The following C10orf143 variants were observed in gnomAD, a reference collection of about 807,000 sequenced individuals.
The protein encoded by C10orf143 is chromosome 10 open reading frame 143, also known as uncharacterized protein C10orf143.
At chr10:130,105,978 G>A (rs61749975) in intron 1 of C10orf143, 178 of 405,730 alleles carry the variant, frequency 4.4e-4, no homozygotes, top group African/African-American at 3.5e-3. Flanking sequence ...CGGACGCAAG[G>A]CTGCGAGTTC....
chr10:130,038,149 C>T (rs1463342550), intron 3 of C10orf143, among the ~76,000 whole-genome samples: 1 of 152,102 alleles, frequency 6.6e-6, no homozygotes, highest in Non-Finnish European at 1.5e-5. Flanking sequence ...GAGTAACATG[C>T]GGCGGCCTCT....
chr10:130,038,651 C>T (rs976213718), intron 3 of C10orf143, among the ~76,000 whole-genome samples: 4 of 152,164 alleles, frequency 2.6e-5, no homozygotes, highest in Non-Finnish European at 4.4e-5. Context: ...CATCAAACAC[C>T]GCCCAGGCCC....
chr10:130,060,620 G>A (rs568653939), downstream of C10orf143, among the ~76,000 whole-genome samples: 49 of 149,076 alleles, frequency 3.3e-4, no homozygotes, highest in Middle Eastern at 0.018. Context: ...TCAGGAGATC[G>A]AGACCATCCT....
intron 1 of C10orf143, among the ~76,000 whole-genome samples, chr10:130,097,040 A>G (rs1418679634): frequency 1.3e-5 from 2 of 151,226 alleles, no homozygotes; most frequent in African/African-American, 4.9e-5. Flanking sequence ...AGCTCACTGT[A>G]ACCTCTACCT....
At chr10:130,082,231 C>T (rs909303307) in intron 1 of C10orf143, among the ~76,000 whole-genome samples, 6 of 151,836 alleles carry the variant, frequency 4.0e-5, no homozygotes, top group Admixed American at 6.6e-5. Context: ...AGGCTGGTCT[C>T]ACACTCCTGG....
At chr10:130,086,368 T>A (rs1315572875) in intron 1 of C10orf143, among the ~76,000 whole-genome samples, 2 of 152,266 alleles carry the variant, frequency 1.3e-5, no homozygotes, top group African/African-American at 4.8e-5. Flanking sequence ...TAAATCTGAT[T>A]TCCATGGAAT....
chr10:130,072,306 A>G (rs1217861101), intron 3 of C10orf143, among the ~76,000 whole-genome samples: 1 of 151,904 alleles, frequency 6.6e-6, no homozygotes, highest in Non-Finnish European at 1.5e-5. Context: ...GCCTTTCTTC[A>G]ATTCTGGAAA....
At chr10:130,048,228 T>C (rs1343560248) in intron 3 of C10orf143, among the ~76,000 whole-genome samples, 1 of 152,142 alleles carries the variant, frequency 6.6e-6, no homozygotes, top group African/African-American at 2.4e-5. Flanking sequence ...GCTGTCCAGC[T>C]CACCCCTACA....
intron 3 of C10orf143, among the ~76,000 whole-genome samples, chr10:130,071,704 C>T (rs570923722): frequency 2.6e-5 from 4 of 152,064 alleles, no homozygotes; most frequent in Admixed American, 6.6e-5. Flanking sequence ...CTCGGCTCAC[C>T]GCAACCTCTG....
chr10:130,109,102 C>A (rs1391804847), intron 1 of C10orf143, among the ~76,000 whole-genome samples: 1 of 152,182 alleles, frequency 6.6e-6, no homozygotes, highest in Non-Finnish European at 1.5e-5. Context: ...ACAGTCACGT[C>A]TCTCTAGTGT....
At chr10:130,069,307 G>A (rs563064517) in intron 3 of C10orf143, among the ~76,000 whole-genome samples, 5 of 152,252 alleles carry the variant, frequency 3.3e-5, no homozygotes, top group African/African-American at 9.6e-5. Flanking sequence ...GGCCACATAT[G>A]CCTTTCCTCA....
chr10:130,063,106 GGGCAGGA>G (rs1247169972), downstream of C10orf143, among the ~76,000 whole-genome samples: 14 of 152,228 alleles, frequency 9.2e-5, no homozygotes, highest in African/African-American at 3.4e-4. Flanking sequence ...ATTTTCCTTG[GGGCAGGA>G]GGATGCCCGG....
At chr10:130,102,429 C>T (rs1019599417) in intron 1 of C10orf143, among the ~76,000 whole-genome samples, 6 of 152,122 alleles carry the variant, frequency 3.9e-5, no homozygotes, top group African/African-American at 1.4e-4. Flanking sequence ...CCTGCCACCA[C>T]ATCCAGCTAA....
At chr10:130,106,496 G>A (rs529069355) in intron 1 of C10orf143, 42 of 1,601,826 alleles carry the variant, frequency 2.6e-5, no homozygotes, top group Non-Finnish European at 3.5e-5. Context: ...TCTAGAAAAA[G>A]AGTTAAAAGA....
At position 130,048,511 on chromosome 10, in the gene C10orf143, CTCACG is replaced by C. The variant is rs1360369551; in HGVS notation, c.298-12546_298-12542del. Among the ~76,000 whole-genome samples, 3 of 152,186 alleles carry C rather than the reference CTCACG, an allele frequency of 2.0e-5. No homozygotes were observed. In the South Asian group the frequency reaches 6.2e-4, roughly 31 times the overall value. On this transcript the variant is annotated intron_variant and NMD_transcript_variant, in intron 3 of 5. Transcript: ENST00000643056. ...CACCAGGGTCCCTGCAAGTCCCCAA[CTCACG>C]TCACAGGGCAAGTGGATTCAGCTGT...
downstream of C10orf143, among the ~76,000 whole-genome samples, chr10:130,062,076 G>A (rs1860863553): frequency 6.6e-6 from 1 of 152,204 alleles, no homozygotes; most frequent in African/African-American, 2.4e-5. Flanking sequence ...GGACTGAGGT[G>A]TGGACCACAC....
intron 1 of C10orf143, among the ~76,000 whole-genome samples, chr10:130,109,220 T>C (rs1048771089): frequency 6.6e-6 from 1 of 152,212 alleles, no homozygotes; most frequent in Non-Finnish European, 1.5e-5. Context: ...ACACCTTTCA[T>C]TTTCCAGGGC....
intron 1 of C10orf143, chr10:130,107,387 C>A (rs767967540): frequency 1.8e-6 from 2 of 1,131,602 alleles, no homozygotes; most frequent in Non-Finnish European, 1.4e-6. Flanking sequence ...TCATTATTAT[C>A]AACGGCAGAT....
At chr10:130,075,701 G>C in intron 3 of C10orf143, among the ~76,000 whole-genome samples, 1 of 152,244 alleles carries the variant, frequency 6.6e-6, no homozygotes, top group East Asian at 1.9e-4. Context: ...TGGATCATGG[G>C]GGCGGACTTC....
Sources: allele counts gnomAD v4.1 joint callset (sites outside exome capture counted in the v4.1 genomes callset), GRCh38; gene constraint gnomAD v4.1.1; transcripts MANE v1.5; gene names NCBI Gene and HGNC (gene_info 2026-07-23, HGNC 2026-07-21).